SCAMP4: variants seen among roughly 807,000 people sequenced by gnomAD.
SCAMP4 encodes the protein secretory carrier-associated membrane protein 4.
In SCAMP4, 19 loss-of-function variants were observed where a neutral mutation model predicts 32.1. The observed-to-expected ratio is 0.59, with a 90% confidence interval of 0.41 to 0.87. The LOEUF is 0.87. SCAMP4 is among the 40% of genes least tolerant of loss of function. SCAMP4 has a pLI of 0.00. For synonymous variants in SCAMP4, 152 were observed against 132.7 expected (o/e 1.15, Z -1.00); for missense variants, 302 against 309.0 (o/e 0.98, Z 0.17).
intron 5 of SCAMP4, chr19:1,921,111 C>T (rs927908233): frequency 3.6e-5 from 35 of 985,426 alleles, no homozygotes; most frequent in East Asian, 1.1e-4. Context: ...TCATGTCCAC[C>T]GTTGGCTTAG....
chr19:1,918,639 A>C (rs1052290311), intron 4 of SCAMP4: 3 of 569,008 alleles, frequency 5.3e-6, no homozygotes, highest in Admixed American at 6.4e-5. Flanking sequence ...GCGGGCGCCT[A>C]TAATCCCAGC....
intron 5 of SCAMP4, chr19:1,921,453 GC>G: frequency 1.0e-6 from 1 of 985,396 alleles, no homozygotes; most frequent in South Asian, 4.7e-5. Context: ...TGCAGCAGGG[GC>G]CCCCGGTGGG....
intron 5 of SCAMP4, chr19:1,922,066 C>T: frequency 1.0e-6 from 1 of 985,442 alleles, no homozygotes; most frequent in Non-Finnish European, 1.2e-6. Context: ...GTACGTCGTG[C>T]CTGCCTTTAA....
chr19:1,924,051 T>C (rs4807170), intron 6 of SCAMP4, 57 bp from the exon 7 acceptor site: 585,044 of 1,412,854 alleles, frequency 0.41, 132,307 homozygotes, highest in East Asian at 0.66. Context: ...TGAGTCCCCG[T>C]GCCCGGCCGC....
chr19:1,906,866 TTGTGTGTG>T lies in SCAMP4; in HGVS notation c.-42+1443_-42+1450del, dbSNP rs66848678. The stretch of plus-strand genomic sequence containing the variant: ...ACTCCGTCTCAAAAAAAAAAAAAAA[TTGTGTGTG>T]TGTGTGTGTGTGTGTAAAGAAACAA... On this transcript the variant is annotated intron_variant, in intron 1 of 6. Coordinates refer to ENST00000316097, the MANE Select transcript of SCAMP4 (RefSeq NM_079834.4). The T allele has an allele frequency of 5.6e-4, 73 of 130,092 alleles. 1 individual carries two copies. The highest frequency in any genetic ancestry group is 4.4e-3 in the Middle Eastern group (1 of 226). 8.1% of individuals were successfully genotyped at this position (130,092 alleles called of 1,614,324 possible). A position where few individuals can be genotyped will look rare whatever the true frequency, so the allele number is the denominator to read the frequency against.
In SCAMP4 at chr19:1,917,722, C is replaced by T. The variant is rs750461392; in HGVS notation, c.36C>T (p.Pro12=). The T allele has an allele frequency of 3.7e-6, 6 of 1,614,040 alleles. No individual in the cohort carries two copies. The highest frequency in any genetic ancestry group is 1.1e-5 in the South Asian group (1 of 91,086). The change falls in exon 3 of 7, where the codon CCC becomes CCT. Residue 12 remains proline, a synonymous_variant. Coordinates refer to ENST00000316097, the MANE Select transcript of SCAMP4 (RefSeq NM_079834.4). ...SEKENNFPPL[P]KFIPVKPCFY... ...AGGAGAACAACTTCCCGCCACTGCC[C>T]AAGTTCATCCCTGTGAAGCCCTGCT...
intron 5 of SCAMP4, chr19:1,921,349 G>T: frequency 1.0e-6 from 1 of 985,460 alleles, no homozygotes; most frequent in East Asian, 1.1e-4. Context: ...GGTGGCAGAG[G>T]ACTGGAAACT....
Position 1,918,188 on chromosome 19 carries a change from C to T in SCAMP4, c.198C>T (p.Gly66=), listed in dbSNP as rs1161624470. ...GCCTGGCCTGGTGGATCGGCGGAGG[C>T]TCGGGGACCAACTTCGGCCTGGCCT... ...IACLAWWIGG[G]SGTNFGLAFV... Residue 66 remains glycine, a synonymous_variant, in exon 4 of 7, where the codon GGC becomes GGT. Coordinates refer to ENST00000316097, the MANE Select transcript of SCAMP4 (RefSeq NM_079834.4). 2 of 1,612,646 alleles carry T rather than the reference C, an allele frequency of 1.2e-6. No homozygotes were observed. Among genetic ancestry groups the T allele is most frequent in the Non-Finnish European group, 8.5e-7 (1 of 1,179,850 alleles).
intron 5 of SCAMP4, chr19:1,919,335 T>G (rs2013843889): frequency 8.6e-7 from 1 of 1,163,174 alleles, no homozygotes; most frequent in Non-Finnish European, 1.1e-6. Flanking sequence ...CTGCTGATGT[T>G]TCTGCACGGA....
intron 5 of SCAMP4, chr19:1,922,416 G>A: frequency 1.4e-6 from 1 of 689,678 alleles, no homozygotes; most frequent in Non-Finnish European, 1.8e-6. Flanking sequence ...TGTATTTTTA[G>A]TAGAGACGGG....
chr19:1,923,566 G>A (rs1368400395), intron 6 of SCAMP4, among the ~76,000 whole-genome samples: 3 of 150,982 alleles, frequency 2.0e-5, no homozygotes, highest in Admixed American at 6.6e-5. Context: ...GAAGATAGCG[G>A]AAGTGTTGAG....
chr19:1,916,941 A>G (rs562811513), intron 2 of SCAMP4, among the ~76,000 whole-genome samples: 23 of 152,330 alleles, frequency 1.5e-4, no homozygotes, highest in African/African-American at 5.3e-4. Context: ...CCGCACCCAC[A>G]CTAAACATGG....
intron 6 of SCAMP4, among the ~76,000 whole-genome samples, chr19:1,923,554 C>T (rs2013986441): frequency 6.7e-6 from 1 of 149,104 alleles, no homozygotes; most frequent in African/African-American, 2.5e-5. Context: ...CAGTTTCCAT[C>T]TGAAGATAGC....
Position 1,923,699 on chromosome 19 carries a change from A to G in SCAMP4, c.514-409A>G, listed in dbSNP as rs958901717. ...AGTGGTGCGATCTCTGCTCACTGCA[A>G]GCTCCGCCTCTGGGGTTCATGCCAT... is the stretch of plus-strand genomic sequence containing the variant. On this transcript the variant is annotated intron_variant, in intron 6 of 6. Coordinates refer to ENST00000316097, the MANE Select transcript of SCAMP4 (RefSeq NM_079834.4). Among the ~76,000 whole-genome samples, 5 of 139,254 alleles carry G rather than the reference A, an allele frequency of 3.6e-5. 1 individual carries two copies. Among genetic ancestry groups the G allele is most frequent in the Admixed American group, 3.3e-4 (4 of 12,284 alleles). The allele number at this position is 139,254 out of a possible 152,430, so 91.4% of individuals were successfully genotyped here. A position where few individuals can be genotyped will look rare whatever the true frequency, so the allele number is the denominator to read the frequency against.
At chr19:1,919,102 G>C in intron 5 of SCAMP4, 112 bp downstream of exon 5, 1 of 1,531,640 alleles carries the variant, frequency 6.5e-7, no homozygotes, top group Non-Finnish European at 8.8e-7. Context: ...GATTGTACGC[G>C]CTCTCCTAGG....
intron 1 of SCAMP4, among the ~76,000 whole-genome samples, chr19:1,907,658 T>G (rs1165956245): frequency 6.6e-6 from 1 of 152,164 alleles, no homozygotes; most frequent in Non-Finnish European, 1.5e-5. Flanking sequence ...AGGGTCTGAC[T>G]CACCTGCCTG....
At chr19:1,916,554 G>C (rs1448228938) in intron 2 of SCAMP4, among the ~76,000 whole-genome samples, 1 of 152,118 alleles carries the variant, frequency 6.6e-6, no homozygotes, top group East Asian at 1.9e-4. Flanking sequence ...AACTTCCTGG[G>C]TTCAAGCGAT....
chr19:1,923,232 T>C (rs1231358549), intron 6 of SCAMP4, 45 bp downstream of exon 6: 2 of 1,482,616 alleles, frequency 1.3e-6, no homozygotes, highest in Non-Finnish European at 1.8e-6. Flanking sequence ...CCCTTCTCCA[T>C]GAACCTCGTC....
Position 1,912,158 on chromosome 19 carries a change from T to G in SCAMP4, c.-41-2821T>G, listed in dbSNP as rs760510020. 440 of 1,569,764 alleles carry G rather than the reference T, an allele frequency of 2.8e-4. No individual in the cohort carries two copies. The highest frequency in any genetic ancestry group is 1.1e-3 in the South Asian group (98 of 85,818). ...GCTTGGAGGCCGGGAGCCCGGAGCC[T>G]GAGCCGGCGCCGTGGCAGGCCCTCC... On this transcript the variant is annotated intron_variant, in intron 1 of 6. Coordinates refer to ENST00000316097, the MANE Select transcript of SCAMP4 (RefSeq NM_079834.4).
Sources: allele counts gnomAD v4.1 joint callset (sites outside exome capture counted in the v4.1 genomes callset), GRCh38; gene constraint gnomAD v4.1.1; transcripts MANE v1.5; gene names NCBI Gene and HGNC (gene_info 2026-07-23, HGNC 2026-07-21).